Variants in THOC1 observed in about 807,000 individuals in gnomAD.
THOC1 encodes the protein THO complex subunit 1, also known as THO complex 1.
Under a neutral mutation model 97.3 loss-of-function variants are expected in THOC1, and 29 were observed. The observed-to-expected ratio is 0.30, with a 90% confidence interval of 0.22 to 0.41. THOC1 has a LOEUF of 0.41. Among genes scored for constraint, THOC1 ranks in the 10% least tolerant of loss-of-function variants. The pLI, the probability that THOC1 is intolerant of heterozygous loss-of-function variation, is 1.00. For missense variants in THOC1, 529 were observed against 761.9 expected (o/e 0.69, Z 3.60); for synonymous variants, 255 against 257.0 (o/e 0.99, Z 0.07).
Position 215,437 on chromosome 18 carries a change from T to G in THOC1, c.1670A>C (p.Glu557Ala), listed in dbSNP as rs1219585933. 1 of 1,613,232 alleles carries G rather than the reference T, an allele frequency of 6.2e-7. No homozygotes were observed. Among genetic ancestry groups the G allele is most frequent in the South Asian group, 1.1e-5 (1 of 91,042 alleles). ...GAAAATTCAGTTCTTACTTTCATTT[T>G]CCTTCAGTAGAGCATCATTATCTTC... ...DEEDNDALLKENESPDVRRDK... is the reference protein window; with the variant it reads ...DEEDNDALLKANESPDVRRDK... The change falls in exon 20 of 21, where the codon GAA becomes GCA. Residue 557 changes from glutamate (E) to alanine (A), a missense_variant. Physicochemically the swap from Glu to Ala is moderately radical, Grantham distance 107. Around this residue, in one of 8 missense-constraint regions of THOC1, gnomAD observed 27 missense variants for 80.6 expected, o/e 0.33. Transcript: ENST00000261600.
At chr18:232,768 A>C (rs1206491859) in intron 11 of THOC1, among the ~76,000 whole-genome samples, 1 of 150,216 alleles carries the variant, frequency 6.7e-6, no homozygotes, top group Non-Finnish European at 1.5e-5. Context: ...TAGGCTTTTC[A>C]ATTTTGGCCA....
chr18:252,693 T>C (rs1912318152), intron 8 of THOC1, 81 bp from the exon 9 acceptor site: 4 of 1,183,882 alleles, frequency 3.4e-6, no homozygotes, highest in Non-Finnish European at 4.9e-6. Context: ...AGTGGTCAGT[T>C]ACACATTCCT....
chr18:248,356 G>A (rs189447867), intron 9 of THOC1, among the ~76,000 whole-genome samples: 7 of 152,258 alleles, frequency 4.6e-5, no homozygotes, highest in African/African-American at 1.2e-4. Flanking sequence ...ATGCAGATGT[G>A]AGCGTGAGCC....
chr18:260,141 C>T, intron 5 of THOC1, 45 bp downstream of exon 5: 1 of 1,243,536 alleles, frequency 8.0e-7, no homozygotes, highest in Non-Finnish European at 1.1e-6. Flanking sequence ...AATTCTGGAT[C>T]TATAGAAAGA....
At chr18:224,693 A>C (rs1185882472) in intron 15 of THOC1, among the ~76,000 whole-genome samples, 1 of 152,058 alleles carries the variant, frequency 6.6e-6, no homozygotes, top group East Asian at 1.9e-4. Flanking sequence ...TATTCTTCTC[A>C]ATAATAAGAT....
chr18:225,788 G>T (rs766258280), intron 12 of THOC1: 1 of 160,464 alleles, frequency 6.2e-6, no homozygotes, highest in African/African-American at 2.4e-5. Flanking sequence ...AAAATACAAC[G>T]AATAAAACAC....
In THOC1 at chr18:216,570, G is replaced by A; in HGVS notation, c.1518C>T (p.His506=). ...ALRLLARRSP[H]FFQPTNQQFK... is the part of the protein sequence containing the mutation. Reference sequence around the variant, plus strand: ...ACTGCTGGTTGGTTGGCTGGAAGAAGTGAGGGCTTCTCCGTGCTAATAGTC... The same window carrying A: ...ACTGCTGGTTGGTTGGCTGGAAGAAATGAGGGCTTCTCCGTGCTAATAGTC... Residue 506 remains histidine, a synonymous_variant, in exon 19 of 21, where the codon CAC becomes CAT. Transcript: ENST00000261600. The A allele has an allele frequency of 6.2e-7, 1 of 1,613,964 alleles. No individual in the cohort carries two copies. The highest frequency in any genetic ancestry group is 8.5e-7 in the Non-Finnish European group (1 of 1,179,878).
In THOC1 at chr18:226,859, T is replaced by C; in HGVS notation, c.961A>G (p.Ile321Val). 6.2e-7 allele frequency: 1 copy of C among 1,612,202 alleles called. No individual in the cohort carries two copies. Among genetic ancestry groups the C allele is most frequent in the South Asian group, 1.1e-5 (1 of 90,558 alleles). The change falls in exon 12 of 21, where the codon ATC becomes GTC. Residue 321 changes from isoleucine (I) to valine (V), a missense_variant. Ile to Val is a conservative substitution (Grantham distance 29). Transcript: ENST00000261600. ...QLSDSNFRRH[I>V]LLQYLILFQY... ...AATAAAATGAGATACTGCAACAGGA[T>C]GTGTCGACGAAAGTTACTGTCACTC... is the stretch of plus-strand genomic sequence containing the variant.
chr18:234,013 T>C (rs1001802001), intron 11 of THOC1, among the ~76,000 whole-genome samples: 4 of 152,228 alleles, frequency 2.6e-5, no homozygotes, highest in African/African-American at 4.8e-5. Context: ...GTAGAAACAC[T>C]GCTCCATTTT....
intron 11 of THOC1, among the ~76,000 whole-genome samples, chr18:234,406 T>C (rs928806881): frequency 6.6e-6 from 1 of 152,230 alleles, no homozygotes; most frequent in African/African-American, 2.4e-5. Flanking sequence ...GTGTATGATG[T>C]TTGCAATAGG....
At position 226,857 on chromosome 18, in the gene THOC1, G is replaced by A; in HGVS notation, c.963C>T (p.Ile321=). 6.2e-7 allele frequency: 1 copy of A among 1,612,032 alleles called. No individual in the cohort carries two copies. Among genetic ancestry groups the A allele is most frequent in the Non-Finnish European group, 8.5e-7 (1 of 1,179,128 alleles). The change falls in exon 12 of 21, where the codon ATC becomes ATT. Residue 321 remains isoleucine (I), a synonymous_variant. Coordinates refer to ENST00000261600, the MANE Select transcript of THOC1 (RefSeq NM_005131.3). Reference sequence around the variant, plus strand: ...GGAATAAAATGAGATACTGCAACAGGATGTGTCGACGAAAGTTACTGTCAC... The same window carrying A: ...GGAATAAAATGAGATACTGCAACAGAATGTGTCGACGAAAGTTACTGTCAC... ...QLSDSNFRRH[I]LLQYLILFQY...
chr18:226,950 A>T (rs773071944), intron 11 of THOC1, 49 bp from the exon 12 acceptor site: 2 of 1,415,086 alleles, frequency 1.4e-6, no homozygotes, highest in Non-Finnish European at 9.7e-7. Flanking sequence ...ATTAAAATCA[A>T]GTTTTTCCTA....
chr18:227,556 G>A (rs1035011998), intron 11 of THOC1, among the ~76,000 whole-genome samples: 10 of 151,638 alleles, frequency 6.6e-5, no homozygotes, highest in African/African-American at 2.4e-4. Context: ...CATCATACTT[G>A]TATTATCACA....
At chr18:241,867 G>A (rs1163984196) in intron 11 of THOC1, among the ~76,000 whole-genome samples, 2 of 152,126 alleles carry the variant, frequency 1.3e-5, no homozygotes, top group Non-Finnish European at 2.9e-5. Flanking sequence ...ACATTTCTGA[G>A]TATGATCCTG....
intron 8 of THOC1, among the ~76,000 whole-genome samples, chr18:253,769 G>C (rs1352204663): frequency 6.6e-6 from 1 of 152,006 alleles, no homozygotes. Flanking sequence ...GTCTACCTTG[G>C]ATTACAGAAT....
At chr18:221,006 C>G (rs952225536) in intron 17 of THOC1, among the ~76,000 whole-genome samples, 2 of 152,200 alleles carry the variant, frequency 1.3e-5, no homozygotes, top group African/African-American at 2.4e-5. Flanking sequence ...CTTCTGTGTT[C>G]TACTGAGTTA....
Position 242,660 on chromosome 18 carries a change from T to C in THOC1, c.918+3664A>G, listed in dbSNP as rs1404447926. On this transcript the variant is annotated intron_variant, in intron 11 of 20. Coordinates refer to ENST00000261600, the MANE Select transcript of THOC1 (RefSeq NM_005131.3). This position sits in a 1 kb window ranked among gnomAD's most constrained non-coding sequence, Gnocchi z 4.5. ...ACCAGTGAAATGATAGGCTAAAGAG[T>C]TATGCTCCAAATAATCATAGCTTTA... Among the ~76,000 whole-genome samples the C allele has an allele frequency of 6.6e-6, 1 of 152,094 alleles. No homozygotes were observed. The highest frequency in any genetic ancestry group is 1.9e-4 in the East Asian group (1 of 5,192).
chr18:239,467 G>A (rs2143224760), intron 11 of THOC1, among the ~76,000 whole-genome samples: 1 of 152,178 alleles, frequency 6.6e-6, no homozygotes, highest in South Asian at 2.1e-4. Context: ...ACCACGCCCG[G>A]CTAATTTTTT....
chr18:215,688 G>T (rs1204371102), intron 19 of THOC1, 184 bp from the exon 20 acceptor site: 3 of 545,866 alleles, frequency 5.5e-6, no homozygotes, highest in Non-Finnish European at 9.8e-6. Flanking sequence ...CCTGCAGAAG[G>T]AGTGAACTTG....
Sources: gnomAD v4.1 joint callset for allele counts (sites outside exome capture counted in the v4.1 genomes callset) on GRCh38, gnomAD v4.1.1 for gene constraint, gnomAD v4.1.1 regional missense constraint, Gnocchi (gnomAD v3.1) non-coding constraint, MANE v1.5 for transcripts, NCBI Gene and HGNC (gene_info 2026-07-23, HGNC 2026-07-21) for gene names.